Variants in ERBB4 observed in about 807,000 individuals in gnomAD.
ERBB4 encodes receptor tyrosine-protein kinase erbB-4.
Under a neutral mutation model 158.0 loss-of-function variants are expected in ERBB4, and 42 were observed. The ratio of observed to expected loss-of-function variants is 0.27; its 90% CI spans 0.21 to 0.34. The LOEUF (loss-of-function observed/expected upper bound fraction) is 0.34. ERBB4 is among the 10% of genes least tolerant of loss of function. The pLI, the probability that ERBB4 is intolerant of heterozygous loss-of-function variation, is 1.00. For missense variants in ERBB4, 1,333 were observed against 1,624.1 expected (o/e 0.82, Z 3.08); for synonymous variants, 583 against 558.7 (o/e 1.04, Z -0.61).
intron 1 of ERBB4, among the ~76,000 whole-genome samples, chr2:212,132,066 T>G (rs2080121814): frequency 6.6e-6 from 1 of 152,228 alleles, no homozygotes; most frequent in Non-Finnish European, 1.5e-5. Flanking sequence ...ACATAAGATG[T>G]ATTACTTTAT....
chr2:212,187,074 A>G (rs532482479), intron 1 of ERBB4, among the ~76,000 whole-genome samples: 1 of 152,242 alleles, frequency 6.6e-6, no homozygotes, highest in African/African-American at 2.4e-5. Context: ...GCCGAACCCT[A>G]AGGTCAAATA....
chr2:212,513,663 T>C (rs1657786876), intron 1 of ERBB4, among the ~76,000 whole-genome samples: 1 of 151,828 alleles, frequency 6.6e-6, no homozygotes, highest in South Asian at 2.1e-4. Context: ...TACAAAAAAT[T>C]AGCCGGGCGT....
chr2:212,457,667 C>G (rs948921365), intron 1 of ERBB4, among the ~76,000 whole-genome samples: 3 of 152,046 alleles, frequency 2.0e-5, no homozygotes, highest in Admixed American at 6.6e-5. Flanking sequence ...ATTGTTTAAG[C>G]AACTCAGACA....
intron 2 of ERBB4, among the ~76,000 whole-genome samples, chr2:212,122,868 A>G (rs1182462049): frequency 1.3e-5 from 2 of 152,118 alleles, no homozygotes; most frequent in African/African-American, 2.4e-5. Flanking sequence ...AGTGAAATTT[A>G]GTTCCACGTA....
intron 1 of ERBB4, among the ~76,000 whole-genome samples, chr2:212,350,471 C>G (rs1175472425): frequency 1.3e-5 from 2 of 152,078 alleles, no homozygotes; most frequent in African/African-American, 4.8e-5. Context: ...GATATAGCAA[C>G]TATTCTAGAA....
chr2:212,507,071 A>T (rs924434909), intron 1 of ERBB4, among the ~76,000 whole-genome samples: 1 of 152,178 alleles, frequency 6.6e-6, no homozygotes. Flanking sequence ...CCAAAATCCT[A>T]AAGCCCTTAA....
intron 25 of ERBB4, among the ~76,000 whole-genome samples, chr2:211,396,016 G>GAA (rs925667581): frequency 7.2e-6 from 1 of 139,034 alleles, no homozygotes; most frequent in Non-Finnish European, 1.6e-5. Context: ...CTAAGAATAA[G>GAA]AAAAAAAAAA....
intron 1 of ERBB4, among the ~76,000 whole-genome samples, chr2:212,367,721 G>A (rs1028378042): frequency 3.3e-5 from 5 of 151,942 alleles, no homozygotes; most frequent in South Asian, 4.2e-4. Context: ...AATCTACAAC[G>A]AATTCAAATC....
chr2:211,841,937 C>T (rs1038118982), intron 3 of ERBB4, among the ~76,000 whole-genome samples: 3 of 152,006 alleles, frequency 2.0e-5, no homozygotes, highest in Admixed American at 6.6e-5. Flanking sequence ...TATATATGGA[C>T]ATTTTTGCCT....
At chr2:212,340,576 C>T (rs4672646) in intron 1 of ERBB4, among the ~76,000 whole-genome samples, 94,984 of 152,028 alleles carry the variant, frequency 0.62, 30,919 homozygotes, top group East Asian at 0.8. Context: ...TCCTTGCATG[C>T]GCAGTTCACA....
At position 211,500,301 on chromosome 2, in the gene ERBB4, A is replaced by G. The variant is rs147706674; in HGVS notation, c.2487+61602T>C. ...CACTGGACTATAAATAGCAACAGAC[A>G]TTTTTAAAATTCTCACTGCTTTATA... On this transcript the variant is annotated intron_variant, in intron 20 of 27. Transcript: ENST00000342788. 2.6e-3 allele frequency among the ~76,000 whole-genome samples: 389 copies of G among 152,200 alleles called. 7 individuals carry two copies. The highest frequency in any genetic ancestry group is 0.013 in the East Asian group (69 of 5,178).
At chr2:211,615,092 A>G (rs558933325) in intron 19 of ERBB4, among the ~76,000 whole-genome samples, 10 of 152,210 alleles carry the variant, frequency 6.6e-5, no homozygotes, top group Admixed American at 2.0e-4. Context: ...AGTAGTCACT[A>G]GAATTGAGAA....
Position 212,058,975 on chromosome 2 carries a change from C to A in ERBB4, c.234+65777G>T, listed in dbSNP as rs148505158. Among the ~76,000 whole-genome samples, 424 of 152,252 alleles carry A rather than the reference C, an allele frequency of 2.8e-3. 18 individuals are homozygous for A. The East Asian group carries it at 0.075, about 27-fold the overall frequency. Reference sequence around the variant, plus strand: ...GAAGGAGAAAGAAATAAAGGGTATTCAATTAGGCATAGAGGAAGTCAAATT... The same window carrying A: ...GAAGGAGAAAGAAATAAAGGGTATTAAATTAGGCATAGAGGAAGTCAAATT... On this transcript the variant is annotated intron_variant, in intron 2 of 27. Coordinates refer to ENST00000342788, the MANE Select transcript of ERBB4 (RefSeq NM_005235.3).
At chr2:212,327,336 G>C (rs2087892440) in intron 1 of ERBB4, among the ~76,000 whole-genome samples, 1 of 152,092 alleles carries the variant, frequency 6.6e-6, no homozygotes, top group South Asian at 2.1e-4. Flanking sequence ...TAGGTAACTT[G>C]TCCAATGACA....
At chr2:212,503,581 C>T (rs1353643081) in intron 1 of ERBB4, among the ~76,000 whole-genome samples, 2 of 152,130 alleles carry the variant, frequency 1.3e-5, no homozygotes, top group Admixed American at 1.3e-4. Flanking sequence ...TTACTTGATG[C>T]ATATAATACT....
chr2:212,392,126 C>T (rs1247288337), intron 1 of ERBB4, among the ~76,000 whole-genome samples: 5 of 151,544 alleles, frequency 3.3e-5, no homozygotes, highest in Non-Finnish European at 5.9e-5. Context: ...GTAAAACATA[C>T]ATCAATGATA....
At chr2:211,521,827 G>C (rs1387682263) in intron 20 of ERBB4, among the ~76,000 whole-genome samples, 4 of 152,080 alleles carry the variant, frequency 2.6e-5, no homozygotes, top group Admixed American at 6.5e-5. Context: ...CTCTATAAAC[G>C]AAACAACAAG....
intron 20 of ERBB4, among the ~76,000 whole-genome samples, chr2:211,527,425 G>A (rs1420410203): frequency 2.0e-5 from 3 of 152,056 alleles, no homozygotes; most frequent in African/African-American, 7.2e-5. Flanking sequence ...ATCAACACCA[G>A]ACCTGTCCTA....
intron 20 of ERBB4, among the ~76,000 whole-genome samples, chr2:211,535,980 A>T (rs2371313): frequency 0.44 from 66,639 of 151,260 alleles, 15,161 homozygotes; most frequent in East Asian, 0.72. Context: ...CTGTTTTTTT[A>T]AATTTAAAGA....
Sources: allele counts gnomAD v4.1 joint callset (sites outside exome capture counted in the v4.1 genomes callset), GRCh38; gene constraint gnomAD v4.1.1; transcripts MANE v1.5; gene names NCBI Gene and HGNC (gene_info 2026-07-23, HGNC 2026-07-21).